The following DDC variants were observed in gnomAD, a reference collection of about 807,000 sequenced individuals.
DDC encodes aromatic-L-amino-acid decarboxylase.
A neutral mutation model predicts 60.0 loss-of-function variants in DDC; 43 were observed. That is an observed-to-expected ratio of 0.72 (90% CI 0.56 to 0.92). The LOEUF is 0.92. DDC is among the 40% of genes least tolerant of loss of function. The pLI is 0.00. For missense variants in DDC, 573 were observed against 620.2 expected (o/e 0.92, Z 0.81); for synonymous variants, 232 against 234.6 (o/e 0.99, Z 0.10).
intron 13 of DDC, among the ~76,000 whole-genome samples, chr7:50,466,124 C>G (rs2042389910): frequency 6.6e-6 from 1 of 152,228 alleles, no homozygotes; most frequent in Non-Finnish European, 1.5e-5. Flanking sequence ...CCCCAGCCTG[C>G]TCCTTCTCCT....
chr7:50,515,963 C>A (rs1306857555), intron 6 of DDC, among the ~76,000 whole-genome samples: 4 of 152,104 alleles, frequency 2.6e-5, no homozygotes, highest in Non-Finnish European at 5.9e-5. Flanking sequence ...AGATAGACAG[C>A]AACACAATAA....
At position 50,543,819 on chromosome 7, in the gene DDC, T is replaced by A. The variant is rs1257866053; in HGVS notation, c.201+66A>T. 8 of 1,480,522 alleles carry A rather than the reference T, an allele frequency of 5.4e-6. No individual in the cohort carries two copies. The East Asian group carries it at 1.6e-4, about 29-fold the overall frequency. The allele number at this position is 1,480,522 out of a possible 1,614,324, so 91.7% of individuals were successfully genotyped here. On this transcript the variant is annotated intron_variant, in intron 2 of 14. Transcript: ENST00000444124. ...CCTTGAAACAAAGTATGTGAATTGC[T>A]CAGAGCCAAGTAGGTGCTATGTGAG...
chr7:50,539,942 C>T lies in DDC; in HGVS notation c.288G>A (p.Gly96=). 1 of 1,613,954 alleles carries T rather than the reference C, an allele frequency of 6.2e-7. No homozygotes were observed. The highest frequency in any genetic ancestry group is 1.1e-5 in the South Asian group (1 of 91,056). The stretch of plus-strand genomic sequence containing the variant: ...AGGAGAAGCCGATGCAGCCAATGGC[C>T]CCGCACAGCATGTCCGCAAGCATGG... ...YPAMLADMLC[G]AIGCIGFSWA... is the part of the protein sequence containing the mutation. The change falls in exon 3 of 15, where the codon GGG becomes GGA. Residue 96 remains glycine (G), a synonymous_variant. Coordinates refer to ENST00000444124, the MANE Select transcript of DDC (RefSeq NM_001082971.2).
chr7:50,553,448 A>C (rs1410730288), intron 1 of DDC, among the ~76,000 whole-genome samples: 1 of 149,280 alleles, frequency 6.7e-6, no homozygotes, highest in African/African-American at 2.5e-5. Flanking sequence ...CCCCTGGATT[A>C]GCTGCTTTCT....
At chr7:50,557,728 T>C (rs1303747276) in intron 1 of DDC, among the ~76,000 whole-genome samples, 1 of 152,216 alleles carries the variant, frequency 6.6e-6, no homozygotes, top group Non-Finnish European at 1.5e-5. Context: ...ACCATCACCA[T>C]ATAGGTCGCA....
chr7:50,482,976 C>T (rs1023867358), intron 9 of DDC, among the ~76,000 whole-genome samples: 4 of 151,870 alleles, frequency 2.6e-5, no homozygotes, highest in Non-Finnish European at 4.4e-5. Flanking sequence ...GTCTTCCATA[C>T]TGATCCTTAC....
At chr7:50,553,732 G>A (rs2167368) in intron 1 of DDC, among the ~76,000 whole-genome samples, 4,328 of 152,002 alleles carry the variant, frequency 0.028, 95 homozygotes, top group South Asian at 0.067. Flanking sequence ...TGATCTGCCT[G>A]CCTTGGCCTC....
intron 9 of DDC, among the ~76,000 whole-genome samples, chr7:50,494,652 T>C (rs2043086119): frequency 6.6e-6 from 1 of 151,574 alleles, no homozygotes; most frequent in African/African-American, 2.4e-5. Flanking sequence ...ACATGGTTAC[T>C]ATTATTTTTC....
rs547979660 is a variant in DDC, at chr7:50,470,232, C to T, written c.1042-61G>A. 38 of 1,217,784 alleles carry T rather than the reference C, an allele frequency of 3.1e-5. 1 individual carries two copies. Among genetic ancestry groups the T allele is most frequent in the Middle Eastern group, 1.9e-4 (1 of 5,334 alleles). 75.4% of individuals were successfully genotyped at this position (1,217,784 alleles called of 1,614,324 possible). ...AGATATTAAAAGCTGGCTTCCTTTT[C>T]GGCTCACCGGCTCGCCTATTTCTCT... On this transcript the variant is annotated intron_variant, in intron 11 of 14. Transcript: ENST00000444124.
At chr7:50,561,476 C>T (rs1163188724) in intron 1 of DDC, among the ~76,000 whole-genome samples, 6 of 152,100 alleles carry the variant, frequency 3.9e-5, no homozygotes, top group East Asian at 1.9e-4. Flanking sequence ...CTGTGATACC[C>T]GGGAGGCTCA....
intron 1 of DDC, among the ~76,000 whole-genome samples, chr7:50,548,235 C>A (rs944876183): frequency 2.0e-5 from 3 of 152,140 alleles, no homozygotes; most frequent in Non-Finnish European, 2.9e-5. Context: ...ACTGCAATGG[C>A]CTCTAAGTAT....
At chr7:50,534,667 C>A (rs1464219916) in intron 4 of DDC, among the ~76,000 whole-genome samples, 3 of 152,096 alleles carry the variant, frequency 2.0e-5, no homozygotes, top group African/African-American at 7.2e-5. Context: ...TAGACCTTGT[C>A]CCGTGTATAA....
chr7:50,544,407 C>T (rs919052875), intron 1 of DDC, among the ~76,000 whole-genome samples: 2 of 152,190 alleles, frequency 1.3e-5, no homozygotes, highest in Non-Finnish European at 2.9e-5. Context: ...ATGATCGATT[C>T]CAACTTTAAT....
chr7:50,523,878 T>C (rs912819417), intron 6 of DDC, among the ~76,000 whole-genome samples: 1 of 152,234 alleles, frequency 6.6e-6, no homozygotes, highest in Non-Finnish European at 1.5e-5. Flanking sequence ...CAAATGCTTA[T>C]AGCACTTCAT....
chr7:50,460,620 G>A (rs190619865), intron 14 of DDC, among the ~76,000 whole-genome samples: 2 of 151,744 alleles, frequency 1.3e-5, no homozygotes, highest in Admixed American at 6.5e-5. Flanking sequence ...GGGGAAAGGC[G>A]GGGAAAGGAT....
intron 1 of DDC, among the ~76,000 whole-genome samples, chr7:50,556,344 A>G (rs2045186182): frequency 6.6e-6 from 1 of 152,132 alleles, no homozygotes; most frequent in Admixed American, 6.5e-5. Context: ...ATGTCCTCAC[A>G]TGGTGAAAGG....
At chr7:50,536,627 A>T (rs1212667618) in intron 4 of DDC, among the ~76,000 whole-genome samples, 2 of 152,236 alleles carry the variant, frequency 1.3e-5, no homozygotes, top group Non-Finnish European at 2.9e-5. Flanking sequence ...TTAGCCCAGT[A>T]AGACCCAGGT....
intron 9 of DDC, 48 bp from the exon 10 acceptor site, chr7:50,479,911 C>T: frequency 6.7e-7 from 1 of 1,482,892 alleles, no homozygotes; most frequent in Non-Finnish European, 9.4e-7. Context: ...GTACCCTAGA[C>T]TGGACCACCT....
chr7:50,478,276 C>A (rs2042692698), intron 10 of DDC, among the ~76,000 whole-genome samples: 1 of 152,064 alleles, frequency 6.6e-6, no homozygotes, highest in Admixed American at 6.6e-5. Flanking sequence ...AATGGCCCAC[C>A]TTTTTAGTTT....
Sources: gnomAD v4.1 joint callset for allele counts (sites outside exome capture counted in the v4.1 genomes callset) on GRCh38, gnomAD v4.1.1 for gene constraint, MANE v1.5 for transcripts, NCBI Gene and HGNC (gene_info 2026-07-23, HGNC 2026-07-21) for gene names.